AFF3: variants seen among roughly 807,000 people sequenced by gnomAD.
The protein encoded by AFF3 is AF4/FMR2 family member 3.
Under a neutral mutation model 129.7 loss-of-function variants are expected in AFF3, and 32 were observed. The ratio of observed to expected loss-of-function variants is 0.25; its 90% CI spans 0.19 to 0.33. The LOEUF (loss-of-function observed/expected upper bound fraction) is 0.33, where lower values mean the gene tolerates loss of function less well. Among genes scored for constraint, AFF3 ranks in the 10% least tolerant of loss-of-function variants. AFF3 has a pLI of 1.00. For missense variants in AFF3, 1,373 were observed against 1,592.0 expected, an observed-to-expected ratio of 0.86 and a Z score of 2.34; for synonymous variants, 644 against 635.4, an observed-to-expected ratio of 1.01 and a Z score of -0.20.
intron 11 of AFF3, among the ~76,000 whole-genome samples, chr2:99,674,002 G>T (rs1383208485): frequency 6.6e-6 from 1 of 152,164 alleles, no homozygotes; most frequent in South Asian, 2.1e-4. Flanking sequence ...CCCCAGTTTC[G>T]TCAAGGAGAA....
At chr2:99,959,339 CAAAAAAAAAA>C (rs34083581) in intron 7 of AFF3, among the ~76,000 whole-genome samples, 2 of 66,934 alleles carry the variant, frequency 3.0e-5, no homozygotes, top group Non-Finnish European at 5.9e-5. Context: ...AAGAGTCTGC[CAAAAAAAAAA>C]AAAAAAAAAA....
chr2:99,768,700 A>T (rs1039133561), intron 8 of AFF3, among the ~76,000 whole-genome samples: 2 of 152,154 alleles, frequency 1.3e-5, no homozygotes, highest in Admixed American at 1.3e-4. Context: ...GAAATTCCTC[A>T]GCTTTTGTTT....
At chr2:99,848,793 C>T (rs1288509235) in intron 7 of AFF3, among the ~76,000 whole-genome samples, 2 of 152,202 alleles carry the variant, frequency 1.3e-5, no homozygotes, top group African/African-American at 4.8e-5. Flanking sequence ...ATTCAGTTAT[C>T]TCTCGAATCT....
intron 13 of AFF3, among the ~76,000 whole-genome samples, chr2:99,641,790 G>A (rs1008984285): frequency 1.4e-4 from 21 of 152,266 alleles, no homozygotes; most frequent in Admixed American, 5.2e-4. Flanking sequence ...GTCGTCGCGA[G>A]GACTAAATGA....
chr2:100,125,102 A>G (rs756103777), intron 2 of AFF3, among the ~76,000 whole-genome samples: 3 of 152,234 alleles, frequency 2.0e-5, no homozygotes, highest in Non-Finnish European at 4.4e-5. Flanking sequence ...GGAGAGGGCC[A>G]TCAATAACTT....
chr2:99,697,266 A>C (rs1311527132), intron 11 of AFF3, among the ~76,000 whole-genome samples: 1 of 152,244 alleles, frequency 6.6e-6, no homozygotes, highest in African/African-American at 2.4e-5. Flanking sequence ...CCGCCCATTC[A>C]GCTGGGCAGC....
intron 4 of AFF3, among the ~76,000 whole-genome samples, chr2:100,062,032 C>T (rs1687331000): frequency 6.6e-6 from 1 of 152,174 alleles, no homozygotes; most frequent in Non-Finnish European, 1.5e-5. Flanking sequence ...CTGCATTCTC[C>T]CTCTGAAGTG....
chr2:99,952,391 C>T (rs1048730409), intron 7 of AFF3, among the ~76,000 whole-genome samples: 2 of 152,116 alleles, frequency 1.3e-5, no homozygotes, highest in African/African-American at 4.8e-5. Flanking sequence ...GCCAATTAAA[C>T]CTCTTTTCTT....
rs560897272 is a variant in AFF3 at position 100,121,606 on chromosome 2, G to A, written c.-145+7618C>T. Reference sequence around the variant, plus strand: ...CAAGCTTTTCAGCTGAATCTTAAAGGATGAGCTTGGCAAGTGGAGAGGGGA... The same window carrying A: ...CAAGCTTTTCAGCTGAATCTTAAAGAATGAGCTTGGCAAGTGGAGAGGGGA... On this transcript the variant is annotated intron_variant, in intron 2 of 24. Coordinates refer to ENST00000672756, the MANE Select transcript of AFF3 (RefSeq NM_001386135.1). Among the ~76,000 whole-genome samples, 23 of 152,320 alleles carry A rather than the reference G, an allele frequency of 1.5e-4. No individual in the cohort carries two copies. In the South Asian group the frequency reaches 4.6e-3, roughly 30 times the overall value.
At chr2:99,906,151 G>A (rs1558964032) in intron 7 of AFF3, among the ~76,000 whole-genome samples, 1 of 152,108 alleles carries the variant, frequency 6.6e-6, no homozygotes, top group East Asian at 1.9e-4. Flanking sequence ...TCTCTAAATT[G>A]AATCTTAAAT....
intron 1 of AFF3, among the ~76,000 whole-genome samples, chr2:100,134,580 C>A (rs968738074): frequency 6.6e-6 from 1 of 152,134 alleles, no homozygotes; most frequent in Non-Finnish European, 1.5e-5. Flanking sequence ...ATCCCAAGAT[C>A]ATTTAATCTT....
intron 10 of AFF3, among the ~76,000 whole-genome samples, chr2:99,742,016 T>C (rs1680762189): frequency 6.6e-6 from 1 of 152,162 alleles, no homozygotes; most frequent in South Asian, 2.1e-4. Context: ...AATAGGAATA[T>C]TATTTTTGTA....
At chr2:99,943,148 A>G (rs1025937183) in intron 7 of AFF3, among the ~76,000 whole-genome samples, 2 of 152,164 alleles carry the variant, frequency 1.3e-5, no homozygotes, top group South Asian at 2.1e-4. Flanking sequence ...CCCCATTGTC[A>G]TGGGTCATAG....
At chr2:99,756,301 G>T (rs1575882639) in intron 8 of AFF3, among the ~76,000 whole-genome samples, 1 of 152,340 alleles carries the variant, frequency 6.6e-6, no homozygotes, top group East Asian at 1.9e-4. Context: ...TTCCTAGTCT[G>T]TTCCTTTTTC....
At chr2:99,932,891 T>A (rs1446881957) in intron 7 of AFF3, among the ~76,000 whole-genome samples, 1 of 152,224 alleles carries the variant, frequency 6.6e-6, no homozygotes, top group East Asian at 1.9e-4. Flanking sequence ...GCTACATAGA[T>A]CTTCTTGTTC....
chr2:100,039,515 C>T lies in AFF3; in HGVS notation c.54-30583G>A, dbSNP rs146932044. On this transcript the variant is annotated intron_variant, in intron 4 of 24. Transcript: ENST00000672756. ...AAGGCTGCAATGAGCTATGATGGCACCACTGCACTCTAGCCTGGAAGGCAA... is the reference window on the plus strand; with the variant it reads ...AAGGCTGCAATGAGCTATGATGGCATCACTGCACTCTAGCCTGGAAGGCAA... Among the ~76,000 whole-genome samples, 285 of 152,180 alleles carry T rather than the reference C, an allele frequency of 1.9e-3. 3 individuals carry two copies. Among genetic ancestry groups the T allele is most frequent in the African/African-American group, 6.4e-3 (267 of 41,516 alleles).
intron 4 of AFF3, among the ~76,000 whole-genome samples, chr2:100,015,622 G>GT (rs1486069859): frequency 6.6e-6 from 1 of 152,294 alleles, no homozygotes; most frequent in African/African-American, 2.4e-5. Flanking sequence ...ATTAAAAATT[G>GT]TTTTTTAAAT....
intron 24 of AFF3, 66 bp downstream of exon 24, chr2:99,554,245 G>A (rs1015692753): frequency 3.3e-5 from 52 of 1,553,566 alleles, no homozygotes; most frequent in African/African-American, 1.1e-4. Flanking sequence ...TCAGGAGGCC[G>A]AGGCAGAAGA....
intron 22 of AFF3, among the ~76,000 whole-genome samples, chr2:99,558,530 G>T (rs1675164305): frequency 1.3e-5 from 2 of 152,288 alleles, no homozygotes; most frequent in South Asian, 4.1e-4. Flanking sequence ...TGAGGCAGGA[G>T]AATTGCTTGA....
Sources: gnomAD v4.1 joint callset for allele counts (sites outside exome capture counted in the v4.1 genomes callset) on GRCh38, gnomAD v4.1.1 for gene constraint, MANE v1.5 for transcripts, NCBI Gene and HGNC (gene_info 2026-07-23, HGNC 2026-07-21) for gene names.